LILRB1: variants seen among roughly 807,000 people sequenced by gnomAD.
The protein encoded by LILRB1 is leukocyte immunoglobulin like receptor B1.
Under a neutral mutation model 74.6 loss-of-function variants are expected in LILRB1, and 59 were observed. That is an observed-to-expected ratio of 0.79 (90% CI 0.64 to 0.98). LILRB1 has a LOEUF of 0.98. Among genes scored for constraint, LILRB1 ranks in the 50% least tolerant of loss-of-function variants. The probability of loss-of-function intolerance (pLI) is 0.00; values close to 1 mark genes in which losing one functional copy is unlikely to be tolerated. For missense variants in LILRB1, 804 were observed against 822.6 expected (o/e 0.98, Z 0.28); for synonymous variants, 328 against 333.9 (o/e 0.98, Z 0.19).
intron 7 of LILRB1, 66 bp from the exon 8 acceptor site, chr19:54,633,572 T>C: frequency 6.8e-7 from 1 of 1,471,158 alleles, no homozygotes; most frequent in South Asian, 1.3e-5. Flanking sequence ...TGTAGAGAAA[T>C]TTGGTTTGAG....
At chr19:54,625,111 G>A (rs951200951) in intron 1 of LILRB1, among the ~76,000 whole-genome samples, 1 of 136,836 alleles carries the variant, frequency 7.3e-6, no homozygotes, top group African/African-American at 2.6e-5. Context: ...CAGAGGCAGA[G>A]GTGGCAGTGA....
upstream of LILRB1, among the ~76,000 whole-genome samples, chr19:54,628,523 G>C (rs1235529132): frequency 6.6e-6 from 1 of 152,138 alleles, no homozygotes; most frequent in Non-Finnish European, 1.5e-5. Context: ...TTAATTTGCT[G>C]TAGCAGCTCA....
In LILRB1 at chr19:54,631,941, A is replaced by G; in HGVS notation, c.365A>G (p.Tyr122Cys). 2.5e-6 allele frequency: 4 copies of G among 1,612,532 alleles called. No homozygotes were observed. The highest frequency in any genetic ancestry group is 3.4e-6 in the Non-Finnish European group (4 of 1,178,742). The change falls in exon 5 of 15, where the codon TAC becomes TGC. Residue 122 changes from tyrosine to cysteine, a missense_variant. Coordinates refer to ENST00000324602, the MANE Select transcript of LILRB1 (RefSeq NM_001081637.3). Reference protein sequence around the residue: ...DPLELVVTGAYIKPTLSAQPS... With the variant: ...DPLELVVTGACIKPTLSAQPS... ...GTGCCTCCTTCTCTCCTAGGAGCCT[A>G]CATCAAACCCACCCTCTCAGCCCAG...
chr19:54,631,107 G>A lies in LILRB1; in HGVS notation c.34G>A (p.Gly12Arg), dbSNP rs377722573. ...TPILTVLICL[G>R]LSLGPRTHVQ... is the part of the protein sequence containing the mutation. ...CATCCTCACGGTCCTGATCTGTCTC[G>A]GTGAGATTTGAAGAAGGAGGGGAGC... Residue 12 changes from glycine (G) to arginine (R), a missense_variant and splice_region_variant, in exon 2 of 15, where the codon GGG becomes AGG. Physicochemically the swap from Gly to Arg is moderately radical, Grantham distance 125. Coordinates refer to ENST00000324602, the MANE Select transcript of LILRB1 (RefSeq NM_001081637.3). 4.5e-5 allele frequency: 72 copies of A among 1,614,002 alleles called. No homozygotes were observed. Among genetic ancestry groups the A allele is most frequent in the Non-Finnish European group, 1.9e-5 (22 of 1,180,004 alleles).
At chr19:54,634,271 C>T (rs2064188747) in intron 9 of LILRB1, 4 of 1,529,414 alleles carry the variant, frequency 2.6e-6, no homozygotes, top group Non-Finnish European at 2.6e-6. Flanking sequence ...TCCGCGGGGG[C>T]CTGTCCCGTC....
chr19:54,625,621 C>A (rs555238836), upstream of LILRB1, among the ~76,000 whole-genome samples: 96 of 152,200 alleles, frequency 6.3e-4, no homozygotes, highest in African/African-American at 2.2e-3. Context: ...CTCACCCCTT[C>A]CCCGTGTTAG....
rs1321437288 is a variant in LILRB1, at chr19:54,637,100, AAGTC to A, written c.*225_*228del. 19 of 562,716 alleles carry A rather than the reference AAGTC, an allele frequency of 3.4e-5. No homozygotes were observed. Among genetic ancestry groups the A allele is most frequent in the African/African-American group, 7.4e-5 (4 of 53,696 alleles). The allele number at this position is 562,716 out of a possible 1,614,324, so 34.9% of individuals were successfully genotyped here. ...AATCAATGAAGTAGCTGAGAAAACT[AAGTC>A]AGAAAGTGCATTAAACTGAATCACA... On this transcript the variant is annotated 3_prime_UTR_variant, in exon 15 of 15. Transcript: ENST00000324602.
At chr19:54,622,061 T>G (rs1180861843) in intron 1 of LILRB1, among the ~76,000 whole-genome samples, 1 of 152,212 alleles carries the variant, frequency 6.6e-6, no homozygotes, top group Non-Finnish European at 1.5e-5. Context: ...ATTTTTGTAC[T>G]AGTAAATGCT....
Position 54,634,075 on chromosome 19 carries a change from G to A in LILRB1, c.1363+54G>A, listed in dbSNP as rs113014117. On this transcript the variant is annotated intron_variant, in intron 9 of 14. Transcript: ENST00000324602. The stretch of plus-strand genomic sequence containing the variant: ...GGCAGGGTCCAGGGGAGGCAGGGGT[G>A]GGTTCTGTCCTAGGTTCAGTCTCCT... 13,822 of 1,557,838 alleles carry A rather than the reference G, an allele frequency of 8.9e-3. 1,140 individuals carry two copies. In the African/African-American group the frequency reaches 0.17, roughly 19 times the overall value.
At chr19:54,624,235 T>C (rs1430957033) in intron 1 of LILRB1, among the ~76,000 whole-genome samples, 3 of 152,174 alleles carry the variant, frequency 2.0e-5, no homozygotes, top group Non-Finnish European at 4.4e-5. Flanking sequence ...CCTAGTGAAA[T>C]GCCCTGAGGT....
rs760007990 is a variant in LILRB1 at position 54,634,737 on chromosome 19, G to A, written c.1460G>A (p.Arg487Gln). 1.2e-5 allele frequency: 19 copies of A among 1,613,810 alleles called. No homozygotes were observed. The highest frequency in any genetic ancestry group is 1.7e-5 in the Admixed American group (1 of 59,982). The change falls in exon 10 of 15, where the codon CGA (arginine) becomes CAA (glutamine). Residue 487 changes from arginine (R) to glutamine (Q), a missense_variant. Transcript: ENST00000324602. ...CTCCTCTTCCTCATCCTCCGACATC[G>A]ACGTCAGGGCAAACACTGGACATCG... ...LLLLFLILRH[R>Q]RQGKHWTSTQ...
intron 8 of LILRB1, 56 bp from the exon 9 acceptor site, chr19:54,633,915 C>T (rs568490025): frequency 8.4e-6 from 13 of 1,550,880 alleles, no homozygotes; most frequent in South Asian, 1.2e-5. Flanking sequence ...GAGGAGCAGC[C>T]GGGCTGATGT....
chr19:54,623,702 G>A (rs1451092608), intron 1 of LILRB1, among the ~76,000 whole-genome samples: 1 of 152,112 alleles, frequency 6.6e-6, no homozygotes, highest in Non-Finnish European at 1.5e-5. Flanking sequence ...TCCATCACTA[G>A]CAAGCCAGTG....
In LILRB1 at chr19:54,636,856, A is replaced by T; in HGVS notation, c.1937A>T (p.Tyr646Phe). ...CCCTCTCCAGCTGTGCCCAGCATCTACGCCACTCTGGCCATCCACTAGCCC... is the reference window on the plus strand; with the variant it reads ...CCCTCTCCAGCTGTGCCCAGCATCTTCGCCACTCTGGCCATCCACTAGCCC... ...EGPSPAVPSIYATLAIH is the reference protein window; with the variant it reads ...EGPSPAVPSIFATLAIH Residue 646 changes from tyrosine (Y) to phenylalanine (F), a missense_variant, in exon 15 of 15, where the codon TAC (tyrosine) becomes TTC (phenylalanine). Coordinates refer to ENST00000324602, the MANE Select transcript of LILRB1 (RefSeq NM_001081637.3). The T allele has an allele frequency of 6.2e-7, 1 of 1,613,300 alleles. No individual in the cohort carries two copies. Among genetic ancestry groups the T allele is most frequent in the Non-Finnish European group, 8.5e-7 (1 of 1,179,496 alleles).
chr19:54,631,368 G>A (rs866320442), intron 3 of LILRB1, 62 bp downstream of exon 3: 21 of 1,613,310 alleles, frequency 1.3e-5, no homozygotes, highest in East Asian at 6.7e-5. Context: ...GGCCACCCCC[G>A]TGCCGCTGGG....
intron 8 of LILRB1, 103 bp from the exon 9 acceptor site, chr19:54,633,868 G>C (rs372398219): frequency 6.7e-7 from 1 of 1,490,460 alleles, no homozygotes; most frequent in East Asian, 2.5e-5. Context: ...GGGGTGGGGG[G>C]TCAAGGCAGA....
chr19:54,635,496 C>G, intron 12 of LILRB1, 61 bp from the exon 13 acceptor site: 1 of 1,572,898 alleles, frequency 6.4e-7, no homozygotes, highest in Non-Finnish European at 8.6e-7. Context: ...CAGGGGCTGG[C>G]AGGACTCAGA....
intron 1 of LILRB1, among the ~76,000 whole-genome samples, chr19:54,621,543 T>G (rs1019991701): frequency 1.3e-4 from 20 of 151,720 alleles, no homozygotes; most frequent in African/African-American, 4.6e-4. Context: ...TTGTTTTTTT[T>G]TTTTCATGTT....
intron 1 of LILRB1, among the ~76,000 whole-genome samples, chr19:54,618,745 TA>T (rs201383878): frequency 0.046 from 7,067 of 152,024 alleles, 221 homozygotes; most frequent in Non-Finnish European, 0.064. Context: ...AGATATTGGT[TA>T]AAAAAAATAA....
Sources: allele counts gnomAD v4.1 joint callset (sites outside exome capture counted in the v4.1 genomes callset), GRCh38; gene constraint gnomAD v4.1.1; transcripts MANE v1.5; gene names NCBI Gene and HGNC (gene_info 2026-07-23, HGNC 2026-07-21).